The following GNB1 variants were observed in gnomAD, a reference collection of about 807,000 sequenced individuals.
GNB1 encodes the protein G protein subunit beta 1, also known as guanine nucleotide-binding protein G(I)/G(S)/G(T) subunit beta-1.
Under a neutral mutation model 42.9 loss-of-function variants are expected in GNB1, and 2 were observed. The ratio of observed to expected loss-of-function variants is 0.05; its 90% CI spans 0.02 to 0.15. The LOEUF (loss-of-function observed/expected upper bound fraction) is 0.15, where lower values mean the gene tolerates loss of function less well. Among genes scored for constraint, GNB1 ranks in the 10% least tolerant of loss-of-function variants. The pLI, the probability that GNB1 is intolerant of heterozygous loss-of-function variation, is 1.00. For synonymous variants in GNB1, 183 were observed against 174.7 expected (o/e 1.05, Z -0.38); for missense variants, 193 against 462.2 (o/e 0.42, Z 5.34).
At chr1:1,791,811 G>A (rs868859918) in intron 8 of GNB1, among the ~76,000 whole-genome samples, 37 of 152,336 alleles carry the variant, frequency 2.4e-4, no homozygotes, top group African/African-American at 8.7e-4. Context: ...TGAAAAAAAT[G>A]ATTAATGAAC....
intron 7 of GNB1, 52 bp downstream of exon 7, chr1:1,804,367 A>T: frequency 8.2e-7 from 1 of 1,226,438 alleles, no homozygotes; most frequent in East Asian, 2.3e-5. Context: ...CATATAATGT[A>T]CCCCAGGTAA....
chr1:1,882,603 GGGA>G (rs964487950), intron 1 of GNB1, among the ~76,000 whole-genome samples: 6 of 152,170 alleles, frequency 3.9e-5, no homozygotes, highest in South Asian at 2.1e-4. Flanking sequence ...CTTCATAAAT[GGGA>G]GGAGGAGAAT....
At chr1:1,860,003 A>C (rs1283866437) in intron 1 of GNB1, among the ~76,000 whole-genome samples, 2 of 152,200 alleles carry the variant, frequency 1.3e-5, no homozygotes, top group Non-Finnish European at 2.9e-5. Context: ...ACATGTATAC[A>C]TATGTAACAA....
chr1:1,829,687 G>A (rs2101039905), intron 2 of GNB1, among the ~76,000 whole-genome samples: 1 of 152,176 alleles, frequency 6.6e-6, no homozygotes, highest in Middle Eastern at 3.4e-3. Flanking sequence ...TACAAAGCAT[G>A]ATGCTTTTGT....
chr1:1,876,101 C>A (rs144256624), intron 1 of GNB1, among the ~76,000 whole-genome samples: 77 of 152,296 alleles, frequency 5.1e-4, no homozygotes, highest in African/African-American at 1.8e-3. Flanking sequence ...CCCTTGGAGC[C>A]TTCAGAAGCA....
Position 1,885,551 on chromosome 1 carries a change from CTT to C in GNB1, c.-96+5267_-96+5268del, listed in dbSNP as rs60651257. On this transcript the variant is annotated intron_variant, in intron 1 of 11. Transcript: ENST00000378609. The stretch of plus-strand genomic sequence containing the variant: ...AAATAAGGAAATACTTCCACTTAAT[CTT>C]TTTTTTTTTTTTTTTTTTTGTGAAA... Among the ~76,000 whole-genome samples, 367 of 94,098 alleles carry C rather than the reference CTT, an allele frequency of 3.9e-3. 1 individual carries two copies. Among genetic ancestry groups the C allele is most frequent in the Admixed American group, 7.2e-3 (53 of 7,358 alleles). The allele number at this position is 94,098 out of a possible 152,430, so 61.7% of individuals were successfully genotyped here.
chr1:1,815,871 T>C lies in GNB1; in HGVS notation c.97-9A>G. The stretch of plus-strand genomic sequence containing the variant: ...TCGATGTTGTTTGTGATCTTGAAAA[T>C]AAAAACATTTCTGTAAATCAACATC... On this transcript the variant is annotated splice_polypyrimidine_tract_variant and intron_variant, in intron 4 of 11. Coordinates refer to ENST00000378609, the MANE Select transcript of GNB1 (RefSeq NM_002074.5). 1.3e-6 allele frequency: 2 copies of C among 1,494,062 alleles called. No homozygotes were observed. Among genetic ancestry groups the C allele is most frequent in the Non-Finnish European group, 1.9e-6 (2 of 1,070,534 alleles). 92.6% of individuals were successfully genotyped at this position (1,494,062 alleles called of 1,614,324 possible). A position where few individuals can be genotyped will look rare whatever the true frequency, so the allele number is the denominator to read the frequency against.
intron 5 of GNB1, among the ~76,000 whole-genome samples, chr1:1,811,047 G>A (rs762446384): frequency 2.1e-4 from 31 of 148,770 alleles, no homozygotes; most frequent in Admixed American, 6.8e-4. Flanking sequence ...AGTGCAATGC[G>A]CATGTTTGTG....
Position 1,797,918 on chromosome 1 carries a change from C to G in GNB1, c.431-4607G>C, listed in dbSNP as rs1329373562. Reference sequence around the variant, plus strand: ...TCAGCCATGACCACGCCCAGTCCCTCACTAGTCCTCCTCCGACAGGTGGTT... The same window carrying G: ...TCAGCCATGACCACGCCCAGTCCCTGACTAGTCCTCCTCCGACAGGTGGTT... On this transcript the variant is annotated intron_variant, in intron 7 of 11. Coordinates refer to ENST00000378609, the MANE Select transcript of GNB1 (RefSeq NM_002074.5). Among the ~76,000 whole-genome samples the G allele has an allele frequency of 2.6e-5, 4 of 152,324 alleles. No homozygotes were observed. In the South Asian group the frequency reaches 8.3e-4, roughly 32 times the overall value.
At chr1:1,809,013 G>A (rs904918312) in intron 5 of GNB1, among the ~76,000 whole-genome samples, 1 of 152,180 alleles carries the variant, frequency 6.6e-6, no homozygotes, top group African/African-American at 2.4e-5. Context: ...CTGGAGTAAC[G>A]CTCTCTCAAG....
At chr1:1,853,449 A>C (rs1481459946) in intron 1 of GNB1, among the ~76,000 whole-genome samples, 4 of 152,178 alleles carry the variant, frequency 2.6e-5, no homozygotes, top group Non-Finnish European at 5.9e-5. Flanking sequence ...GTCTCTGCCG[A>C]ACTCTGACCA....
chr1:1,847,168 T>C (rs1339403720), intron 1 of GNB1, among the ~76,000 whole-genome samples: 1 of 152,182 alleles, frequency 6.6e-6, no homozygotes, highest in African/African-American at 2.4e-5. Context: ...CTCTACTGCT[T>C]TGTGCAAATG....
chr1:1,829,921 G>A (rs938603307), intron 2 of GNB1, among the ~76,000 whole-genome samples: 1 of 151,966 alleles, frequency 6.6e-6, no homozygotes, highest in African/African-American at 2.4e-5. Context: ...TGTATTTTTA[G>A]TAGAGACAGG....
At chr1:1,883,152 G>C (rs777005033) in intron 1 of GNB1, among the ~76,000 whole-genome samples, 1 of 151,508 alleles carries the variant, frequency 6.6e-6, no homozygotes, top group Non-Finnish European at 1.5e-5. Flanking sequence ...TGTGCCCGTG[G>C]TCCTAGCTAC....
At chr1:1,877,330 T>TATATAC (rs1467544343) in intron 1 of GNB1, among the ~76,000 whole-genome samples, 4 of 138,902 alleles carry the variant, frequency 2.9e-5, no homozygotes, top group East Asian at 4.3e-4. Context: ...TATATATATA[T>TATATAC]ACACACACAC....
intron 1 of GNB1, among the ~76,000 whole-genome samples, chr1:1,851,886 A>G (rs1424416641): frequency 6.6e-6 from 1 of 151,774 alleles, no homozygotes; most frequent in Non-Finnish European, 1.5e-5. Context: ...TCTACTAAAA[A>G]TACGAAATCA....
In GNB1 at chr1:1,890,576, G is replaced by GC. The variant is rs1475621103; in HGVS notation, c.-96+243dup. ...CCCCGCACCCCGGTGCCGAAACTCG[G>GC]CCCCCAGCCTTGGGCCTGGGACCCC... On this transcript the variant is annotated intron_variant, in intron 1 of 11. Coordinates refer to ENST00000378609, the MANE Select transcript of GNB1 (RefSeq NM_002074.5). 4.2e-4 allele frequency among the ~76,000 whole-genome samples: 63 copies of GC among 148,738 alleles called. No homozygotes were observed. The East Asian group carries it at 6.5e-3, about 15-fold the overall frequency.
chr1:1,804,776 G>A (rs1477410337), intron 6 of GNB1, among the ~76,000 whole-genome samples, 195 bp from the exon 7 acceptor site: 1 of 152,186 alleles, frequency 6.6e-6, no homozygotes, highest in Admixed American at 6.5e-5. Context: ...TGCTGCACAT[G>A]GGATTCAAAT....
intron 2 of GNB1, among the ~76,000 whole-genome samples, chr1:1,834,166 G>A (rs1362180056): frequency 6.6e-6 from 1 of 152,080 alleles, no homozygotes; most frequent in African/African-American, 2.4e-5. Flanking sequence ...ACTGGGGGAA[G>A]GGCAGGAACT....
Sources: gnomAD v4.1 joint callset for allele counts (sites outside exome capture counted in the v4.1 genomes callset) on GRCh38, gnomAD v4.1.1 for gene constraint, MANE v1.5 for transcripts, NCBI Gene and HGNC (gene_info 2026-07-23, HGNC 2026-07-21) for gene names.